Variants in DYNC2H1 observed in about 807,000 individuals in gnomAD.
DYNC2H1 encodes the protein cytoplasmic dynein 2 heavy chain 1.
In DYNC2H1, 410 loss-of-function variants were observed where a neutral mutation model predicts 570.0. The observed-to-expected ratio is 0.72, with a 90% CI of 0.66 to 0.78. DYNC2H1 has a LOEUF of 0.78. DYNC2H1 is among the 30% of genes least tolerant of loss of function. The probability of loss-of-function intolerance (pLI) is 0.00; values close to 1 mark genes in which losing one functional copy is unlikely to be tolerated. For missense variants in DYNC2H1, 4,865 were observed against 5,046.4 expected, an observed-to-expected ratio of 0.96 and a Z score of 1.09; for synonymous variants, 1,688 against 1,677.6, an observed-to-expected ratio of 1.01 and a Z score of -0.15.
intron 84 of DYNC2H1, among the ~76,000 whole-genome samples, chr11:103,401,276 AAT>A (rs1227838938): frequency 2.0e-5 from 3 of 152,184 alleles, no homozygotes; most frequent in Non-Finnish European, 4.4e-5. Flanking sequence ...TATGTATCAA[AAT>A]ATAAATGCTC....
chr11:103,390,020 G>T (rs2135602738), intron 83 of DYNC2H1, among the ~76,000 whole-genome samples: 1 of 152,270 alleles, frequency 6.6e-6, no homozygotes, highest in African/African-American at 2.4e-5. Flanking sequence ...GGTCCACTTG[G>T]TGCAGAGCTG....
chr11:103,395,440 GATC>G lies in DYNC2H1; in HGVS notation c.12157-4220_12157-4218del, dbSNP rs549493497. Among the ~76,000 whole-genome samples the G allele has an allele frequency of 1.6e-3, 239 of 151,072 alleles. No individual in the cohort carries two copies. Among genetic ancestry groups the G allele is most frequent in the Middle Eastern group, 6.9e-3 (2 of 288 alleles). On this transcript the variant is annotated intron_variant, in intron 83 of 88. Transcript: ENST00000375735. The surrounding 1 kb of genome is among the most constrained non-coding windows in gnomAD (Gnocchi z 4.3). ...GCATATGATCATGTATGTTACATAT[GATC>G]ATTGTATCACTGATATACATATATA...
intron 70 of DYNC2H1, among the ~76,000 whole-genome samples, chr11:103,272,192 G>A (rs1865734724): frequency 6.6e-6 from 1 of 152,210 alleles, no homozygotes; most frequent in Non-Finnish European, 1.5e-5. Context: ...ATCAGTGATA[G>A]ACTGGATTAA....
intron 83 of DYNC2H1, among the ~76,000 whole-genome samples, chr11:103,360,047 C>A (rs1296003473): frequency 2.6e-5 from 4 of 152,074 alleles, no homozygotes. Flanking sequence ...CCCTAATTAC[C>A]TGATTCCTAC....
rs1384531508 is a variant in DYNC2H1 at position 103,275,305 on chromosome 11, A to C, written c.10696-5043A>C. ...TCTTTCACTATCAAAATCCTGCACC[A>C]GAGTGGTACACTTGTTAAAACTGTT... On this transcript the variant is annotated intron_variant, in intron 70 of 88. Coordinates refer to ENST00000375735, the MANE Select transcript of DYNC2H1 (RefSeq NM_001377.3). This position sits in a 1 kb window ranked among gnomAD's most constrained non-coding sequence, Gnocchi z 4.8. 6.6e-6 allele frequency among the ~76,000 whole-genome samples: 1 copy of C among 152,182 alleles called. No homozygotes were observed. The highest frequency in any genetic ancestry group is 1.5e-5 in the Non-Finnish European group (1 of 68,034).
intron 28 of DYNC2H1, among the ~76,000 whole-genome samples, chr11:103,159,696 G>A (rs187342758): frequency 1.1e-4 from 16 of 152,084 alleles, no homozygotes; most frequent in Admixed American, 2.6e-4. Flanking sequence ...CTTGGAAAGC[G>A]CAAGCAAATG....
chr11:103,159,654 A>T (rs563677389), intron 28 of DYNC2H1, among the ~76,000 whole-genome samples: 1 of 152,144 alleles, frequency 6.6e-6, no homozygotes, highest in Non-Finnish European at 1.5e-5. Flanking sequence ...TACCAAAATA[A>T]TGACTATTAT....
chr11:103,118,357 TAA>T (rs1191370778), intron 6 of DYNC2H1, among the ~76,000 whole-genome samples: 2 of 144,784 alleles, frequency 1.4e-5, no homozygotes, highest in South Asian at 4.4e-4. Context: ...GAGACTTTTT[TAA>T]AAAAAAAAAC....
chr11:103,137,439 A>C (rs891217677), intron 17 of DYNC2H1, among the ~76,000 whole-genome samples: 2 of 152,002 alleles, frequency 1.3e-5, no homozygotes, highest in African/African-American at 2.4e-5. Flanking sequence ...TCAGCTTTCT[A>C]CATATGGTTA....
chr11:103,388,958 A>C (rs1942013128), intron 83 of DYNC2H1, among the ~76,000 whole-genome samples: 1 of 152,146 alleles, frequency 6.6e-6, no homozygotes, highest in Non-Finnish European at 1.5e-5. Flanking sequence ...ATTGTCTAAA[A>C]TTCCCTTTTT....
intron 75 of DYNC2H1, among the ~76,000 whole-genome samples, chr11:103,290,887 C>T (rs116856026): frequency 1.3e-5 from 2 of 152,088 alleles, no homozygotes; most frequent in East Asian, 3.9e-4. Context: ...CTTTTCCTTC[C>T]CAACTTCACC....
At chr11:103,321,378 T>A (rs1212951817) in intron 81 of DYNC2H1, 141 bp downstream of exon 81, 1 of 961,554 alleles carries the variant, frequency 1.0e-6, no homozygotes, top group African/African-American at 1.6e-5. Flanking sequence ...AATATATGGC[T>A]TGATTCTTTC....
intron 83 of DYNC2H1, among the ~76,000 whole-genome samples, chr11:103,399,138 G>A (rs1020109652): frequency 2.6e-5 from 3 of 113,892 alleles, no homozygotes; most frequent in Non-Finnish European, 5.1e-5. Context: ...TTCCCACACC[G>A]TTTTTTTTTT....
rs140294172 is a variant in DYNC2H1, at chr11:103,436,197, A to ATTT, written c.12456+179_12456+181dup. ...TGTTATTTTTGTATAGCACTGTTCT[A>ATTT]TTTTTTTTTTTTTTTTACAAAATGT... is the stretch of plus-strand genomic sequence containing the variant. On this transcript the variant is annotated intron_variant, in intron 85 of 88. Transcript: ENST00000375735. Among the ~76,000 whole-genome samples the ATTT allele has an allele frequency of 0.029, 4,244 of 145,044 alleles. 201 individuals carry two copies. Among genetic ancestry groups the ATTT allele is most frequent in the African/African-American group, 0.1 (4,026 of 39,914 alleles).
Position 103,179,151 on chromosome 11 carries a change from A to C in DYNC2H1, c.6265A>C (p.Asn2089His). The C allele has an allele frequency of 6.2e-7, 1 of 1,613,058 alleles. No individual in the cohort carries two copies. The highest frequency in any genetic ancestry group is 8.5e-7 in the Non-Finnish European group (1 of 1,179,296). Residue 2089 changes from asparagine (N) to histidine (H), a missense_variant, in exon 39 of 89, where the codon AAT (asparagine) becomes CAT (histidine). By Grantham distance (68) the Asn-to-His change is moderately conservative. Transcript: ENST00000375735. Reference protein sequence around the residue: ...PSGERIQFGPNVNFVFETHDL... With the variant: ...PSGERIQFGPHVNFVFETHDL... ...TGGAGAAAGGATTCAGTTTGGCCCA[A>C]ATGTTAACTTTGTATTTGAAACTCA... is the stretch of plus-strand genomic sequence containing the variant.
At chr11:103,227,712 A>T (rs974449135) in intron 59 of DYNC2H1, among the ~76,000 whole-genome samples, 1 of 152,174 alleles carries the variant, frequency 6.6e-6, no homozygotes. Context: ...GTTGTAGGGT[A>T]TAGTTTAAGT....
chr11:103,141,735 C>T (rs1859948450), intron 17 of DYNC2H1, among the ~76,000 whole-genome samples: 1 of 152,246 alleles, frequency 6.6e-6, no homozygotes, highest in South Asian at 2.1e-4. Context: ...CTATTGCTCT[C>T]TTCAAAGCTG....
chr11:103,201,492 A>AAAC lies in DYNC2H1; in HGVS notation c.8197+1357_8197+1359dup, dbSNP rs578105376. 2.9e-4 allele frequency among the ~76,000 whole-genome samples: 44 copies of AAAC among 152,216 alleles called. No homozygotes were observed. Among genetic ancestry groups the AAAC allele is most frequent in the Middle Eastern group, 3.4e-3 (1 of 294 alleles). ...ACGTTAGAATCACTAGGATAATTAA[A>AAAC]AACAACAACAACAACAACAACTAAA... On this transcript the variant is annotated intron_variant, in intron 50 of 88. Coordinates refer to ENST00000375735, the MANE Select transcript of DYNC2H1 (RefSeq NM_001377.3). The surrounding 1 kb of genome is among the most constrained non-coding windows in gnomAD (Gnocchi z 4.8).
intron 17 of DYNC2H1, among the ~76,000 whole-genome samples, chr11:103,139,544 C>T (rs1189297530): frequency 1.3e-5 from 2 of 151,630 alleles, no homozygotes; most frequent in African/African-American, 4.8e-5. Flanking sequence ...TTTCTTAATC[C>T]TGAGTTCTAG....
Sources: allele counts gnomAD v4.1 joint callset (sites outside exome capture counted in the v4.1 genomes callset), GRCh38; gene constraint gnomAD v4.1.1; non-coding constraint Gnocchi (gnomAD v3.1); transcripts MANE v1.5; gene names NCBI Gene and HGNC (gene_info 2026-07-23, HGNC 2026-07-21).